Variants in LAMA2 observed in about 807,000 individuals in gnomAD.
LAMA2 encodes the protein laminin subunit alpha 2.
In LAMA2, 269 loss-of-function variants were observed where a neutral mutation model predicts 364.8. That is an observed-to-expected ratio of 0.74 (90% CI 0.67 to 0.82). The LOEUF (loss-of-function observed/expected upper bound fraction) is 0.82. Ranked by LOEUF, LAMA2 falls within the 40% of genes least tolerant of loss-of-function variation. The pLI is 0.00. For synonymous variants in LAMA2, 1,379 were observed against 1,370.6 expected (o/e 1.01, Z -0.14); for missense variants, 3,807 against 3,873.2 (o/e 0.98, Z 0.45).
intron 20 of LAMA2, among the ~76,000 whole-genome samples, chr6:129,294,856 G>C (rs1021644839): frequency 6.6e-6 from 1 of 152,106 alleles, no homozygotes; most frequent in Non-Finnish European, 1.5e-5. Flanking sequence ...TATTACCAAT[G>C]TTGTTAAATG....
chr6:128,978,533 G>A lies in LAMA2; in HGVS notation c.113-71385G>A, dbSNP rs151141601. On this transcript the variant is annotated intron_variant, in intron 1 of 64. Coordinates refer to ENST00000421865, the MANE Select transcript of LAMA2 (RefSeq NM_000426.4). ...AGGTTTCACCATGTTGGCCAGACTG[G>A]TCTTGAACTCTTGACCTCATGATCT... Among the ~76,000 whole-genome samples, 105 of 152,056 alleles carry A rather than the reference G, an allele frequency of 6.9e-4. 2 individuals are homozygous for A. In the East Asian group the frequency reaches 9.1e-3, roughly 13 times the overall value.
intron 41 of LAMA2, among the ~76,000 whole-genome samples, chr6:129,430,708 G>C (rs572868139): frequency 6.6e-6 from 1 of 152,292 alleles, no homozygotes; most frequent in African/African-American, 2.4e-5. Context: ...CTCATGCCCT[G>C]TAATTCCAGC....
At chr6:129,491,737 A>G (rs540772259) in intron 56 of LAMA2, among the ~76,000 whole-genome samples, 164 bp from the exon 57 acceptor site, 3 of 152,328 alleles carry the variant, frequency 2.0e-5, no homozygotes, top group African/African-American at 7.2e-5. Flanking sequence ...ATGGAACGAG[A>G]TCCTGAGAAC....
rs1296275036 is a variant in LAMA2 at position 129,450,169 on chromosome 6, T to C, written c.6430-2819T>C. ...ATCATGGAATCCCGTTTTTTTTTTT[T>C]TACCAGGCTTACCTAAGCAATGACT... On this transcript the variant is annotated intron_variant, in intron 45 of 64. Coordinates refer to ENST00000421865, the MANE Select transcript of LAMA2 (RefSeq NM_000426.4). 2.6e-5 allele frequency among the ~76,000 whole-genome samples: 4 copies of C among 151,904 alleles called. No homozygotes were observed. The East Asian group carries it at 7.7e-4, about 29-fold the overall frequency.
intron 8 of LAMA2, among the ~76,000 whole-genome samples, chr6:129,155,239 T>C (rs1034157251): frequency 8.5e-5 from 13 of 152,194 alleles, no homozygotes; most frequent in Non-Finnish European, 1.2e-4. Flanking sequence ...TTATTTACCT[T>C]GTGTAAATAC....
intron 1 of LAMA2, among the ~76,000 whole-genome samples, chr6:128,944,779 G>A (rs1381310268): frequency 6.6e-6 from 1 of 152,170 alleles, no homozygotes; most frequent in East Asian, 1.9e-4. Flanking sequence ...AGGAGGAGCA[G>A]GCATGCCACA....
chr6:129,328,358 A>G lies in LAMA2; in HGVS notation c.4257A>G (p.Pro1419=), dbSNP rs762272249. 20 of 1,614,048 alleles carry G rather than the reference A, an allele frequency of 1.2e-5. No individual in the cohort carries two copies. Among genetic ancestry groups the G allele is most frequent in the Admixed American group, 1.7e-5 (1 of 60,010 alleles). Residue 1419 remains proline (P), a synonymous_variant, in exon 29 of 65, where the codon CCA becomes CCG. Coordinates refer to ENST00000421865, the MANE Select transcript of LAMA2 (RefSeq NM_000426.4). ...GACCAACCCTGGGCACCTGTGTTCC[A>G]TGTCAATGTAATGGACACAGCAGCC... The part of the protein sequence containing the change: ...TPGPTLGTCV[P]CQCNGHSSLC...
intron 1 of LAMA2, among the ~76,000 whole-genome samples, chr6:128,994,740 T>C (rs1018589813): frequency 3.9e-5 from 6 of 152,160 alleles, no homozygotes; most frequent in East Asian, 1.9e-4. Context: ...GCAGGTATCA[T>C]GTAGAATAAC....
intron 4 of LAMA2, among the ~76,000 whole-genome samples, chr6:129,100,235 G>T (rs961707218): frequency 2.0e-5 from 3 of 152,088 alleles, no homozygotes; most frequent in Non-Finnish European, 4.4e-5. Context: ...TAATTAGTTA[G>T]TTTCTTTAAT....
rs1467270851 is a variant in LAMA2, at chr6:129,167,282, G to A, written c.1306+1607G>A. On this transcript the variant is annotated intron_variant, in intron 9 of 64. Coordinates refer to ENST00000421865, the MANE Select transcript of LAMA2 (RefSeq NM_000426.4). ...CCCACTAACTCGTCATCTAGCATTA[G>A]GTATATCTCCCAATGCTATCCCTCC... Among the ~76,000 whole-genome samples, 16 of 150,282 alleles carry A rather than the reference G, an allele frequency of 1.1e-4. No homozygotes were observed. In the South Asian group the frequency reaches 3.2e-3, roughly 30 times the overall value.
At chr6:129,238,475 C>G (rs909632305) in intron 12 of LAMA2, among the ~76,000 whole-genome samples, 3 of 151,904 alleles carry the variant, frequency 2.0e-5, no homozygotes, top group Non-Finnish European at 2.9e-5. Flanking sequence ...AATATATAGA[C>G]TACAATTAGA....
At chr6:129,455,572 T>C (rs1782919809) in intron 47 of LAMA2, among the ~76,000 whole-genome samples, 1 of 152,170 alleles carries the variant, frequency 6.6e-6, no homozygotes, top group South Asian at 2.1e-4. Flanking sequence ...AAATATGACA[T>C]CGAAGTTTTG....
rs144948613 is a variant in LAMA2 at position 128,927,512 on chromosome 6, G to C, written c.112+44155G>C. ...CTATCTCCTTTGGATATCCTTATTC[G>C]CATATTCCTTCCAGAACGTACAACT... is the stretch of plus-strand genomic sequence containing the variant. On this transcript the variant is annotated intron_variant, in intron 1 of 64. Coordinates refer to ENST00000421865, the MANE Select transcript of LAMA2 (RefSeq NM_000426.4). 8.1e-3 allele frequency among the ~76,000 whole-genome samples: 1,223 copies of C among 151,856 alleles called. 14 individuals carry two copies. The highest frequency in any genetic ancestry group is 0.027 in the African/African-American group (1,122 of 41,416).
In LAMA2 at chr6:129,304,465, G is replaced by A. The variant is rs1000918598; in HGVS notation, c.3174+3593G>A. On this transcript the variant is annotated intron_variant, in intron 22 of 64. Coordinates refer to ENST00000421865, the MANE Select transcript of LAMA2 (RefSeq NM_000426.4). ...TTTTTAGTAGAGACGGGGTTTCACC[G>A]CGTTAGCCAGGATGGTCTCGATCTC... Among the ~76,000 whole-genome samples the A allele has an allele frequency of 7.2e-5, 11 of 152,086 alleles. No homozygotes were observed. The South Asian group carries it at 1.0e-3, about 14-fold the overall frequency.
chr6:129,313,602 A>T (rs932625818), intron 23 of LAMA2, among the ~76,000 whole-genome samples: 1 of 152,226 alleles, frequency 6.6e-6, no homozygotes, highest in Non-Finnish European at 1.5e-5. Flanking sequence ...ACTATGTGCA[A>T]ATTTCAGCCC....
At chr6:128,997,915 C>G (rs186097360) in intron 1 of LAMA2, among the ~76,000 whole-genome samples, 6 of 152,056 alleles carry the variant, frequency 3.9e-5, no homozygotes, top group Non-Finnish European at 5.9e-5. Flanking sequence ...AGGTTCGTAA[C>G]GAGGTGATTT....
intron 35 of LAMA2, among the ~76,000 whole-genome samples, chr6:129,387,984 G>A (rs762871876): frequency 1.3e-4 from 20 of 152,114 alleles, no homozygotes; most frequent in Admixed American, 7.9e-4. Context: ...TGGGCTGGGC[G>A]TGGTGGCTCA....
chr6:129,272,822 T>C (rs1301905628), intron 17 of LAMA2, among the ~76,000 whole-genome samples: 1 of 152,154 alleles, frequency 6.6e-6, no homozygotes, highest in Non-Finnish European at 1.5e-5. Flanking sequence ...GAACTGCACC[T>C]GCGAGGGATC....
At chr6:129,240,330 A>G (rs886405544) in intron 12 of LAMA2, among the ~76,000 whole-genome samples, 2 of 152,162 alleles carry the variant, frequency 1.3e-5, no homozygotes, top group African/African-American at 2.4e-5. Context: ...CAGGTACAAT[A>G]CTTTGCATAC....
Sources: allele counts gnomAD v4.1 joint callset (sites outside exome capture counted in the v4.1 genomes callset), GRCh38; gene constraint gnomAD v4.1.1; transcripts MANE v1.5; gene names NCBI Gene and HGNC (gene_info 2026-07-23, HGNC 2026-07-21).